Variants in SAAL1 observed in about 807,000 individuals in gnomAD.
The protein encoded by SAAL1 is serum amyloid A like 1.
A neutral mutation model predicts 59.8 loss-of-function variants in SAAL1; 42 were observed. That is an observed-to-expected ratio of 0.70 (90% CI 0.55 to 0.91). SAAL1 has a LOEUF of 0.91. Ranked by LOEUF, SAAL1 falls within the 40% of genes least tolerant of loss-of-function variation. SAAL1 has a pLI of 0.00. For synonymous variants in SAAL1, 191 were observed against 194.3 expected (o/e 0.98, Z 0.14); for missense variants, 542 against 561.1 (o/e 0.97, Z 0.34).
chr11:18,086,737 A>G, intron 9 of SAAL1, 129 bp downstream of exon 9: 1 of 476,322 alleles, frequency 2.1e-6, no homozygotes. Flanking sequence ...AAATAAATAA[A>G]TATGATAATA....
intron 3 of SAAL1, chr11:18,093,959 A>G (rs1183910187): frequency 6.6e-6 from 1 of 152,232 alleles, no homozygotes; most frequent in African/African-American, 2.4e-5. Flanking sequence ...TCCCGTTGAC[A>G]GGAAAACTAA....
chr11:18,086,763 G>C, intron 9 of SAAL1, 103 bp downstream of exon 9: 1 of 606,194 alleles, frequency 1.6e-6, no homozygotes, highest in Admixed American at 3.5e-5. Flanking sequence ...AATTTTTGAA[G>C]TTTAGCATGT....
intron 3 of SAAL1, chr11:18,094,079 T>C (rs1163904658): frequency 6.6e-6 from 1 of 152,140 alleles, no homozygotes; most frequent in Non-Finnish European, 1.5e-5. Context: ...GATTTCCAAA[T>C]CTCATCTCAG....
rs745643484 is a variant in SAAL1, at chr11:18,089,461, C to G, written c.639G>C (p.Leu213Phe). ...VGEVVDKLFD[L>F]DEKLMLEWVR... Reference sequence around the variant, plus strand: ...CCCATTCTAACATTAGTTTCTCATCCAAATCAAAGAGCTTGTCCACAACCT... The same window carrying G: ...CCCATTCTAACATTAGTTTCTCATCGAAATCAAAGAGCTTGTCCACAACCT... Residue 213 changes from leucine to phenylalanine, a missense_variant, in exon 7 of 12, where the codon TTG becomes TTC. Transcript: ENST00000524803. 7 of 1,612,614 alleles carry G rather than the reference C, an allele frequency of 4.3e-6. No individual in the cohort carries two copies. The highest frequency in any genetic ancestry group is 2.2e-5 in the East Asian group (1 of 44,778).
chr11:18,090,121 T>C, intron 6 of SAAL1, 54 bp downstream of exon 6: 35 of 1,463,602 alleles, frequency 2.4e-5, no homozygotes, highest in Non-Finnish European at 3.2e-5. Flanking sequence ...CATGGTTTCC[T>C]AAAAATTAGA....
chr11:18,105,983 A>G lies in SAAL1; in HGVS notation c.59T>C (p.Val20Ala). 1 of 1,573,018 alleles carries G rather than the reference A, an allele frequency of 6.4e-7. No homozygotes were observed. Among genetic ancestry groups the G allele is most frequent in the Non-Finnish European group, 8.7e-7 (1 of 1,150,000 alleles). The change falls in exon 1 of 12, where the codon GTG becomes GCG. Residue 20 changes from valine to alanine, a missense_variant. Physicochemically the swap from Val to Ala is moderately conservative, Grantham distance 64 (BLOSUM62 0). Coordinates refer to ENST00000524803, the MANE Select transcript of SAAL1 (RefSeq NM_138421.3). ...PGRDKEEEEE[V>A]AGGDCIGSTV... ...GCTCCCTATGCAGTCTCCACCGGCC[A>G]CCTCCTCCTCCTCCTCCTTGTCGCG...
intron 7 of SAAL1, among the ~76,000 whole-genome samples, chr11:18,087,512 C>T (rs572597130): frequency 1.1e-4 from 16 of 152,274 alleles, no homozygotes; most frequent in African/African-American, 3.8e-4. Context: ...AGAAACCTAC[C>T]AGTTGATACT....
chr11:18,083,495 C>T, intron 10 of SAAL1, 40 bp downstream of exon 10: 1 of 1,223,634 alleles, frequency 8.2e-7, no homozygotes, highest in South Asian at 1.7e-5. Context: ...GCAACCCACA[C>T]TTTCTTTTGC....
chr11:18,086,296 G>A (rs2134056136), intron 9 of SAAL1, among the ~76,000 whole-genome samples: 2 of 152,304 alleles, frequency 1.3e-5, no homozygotes, highest in African/African-American at 4.8e-5. Context: ...CAGCTACTCA[G>A]GAGGCTGAGG....
At chr11:18,085,886 A>G (rs1848459017) in intron 9 of SAAL1, among the ~76,000 whole-genome samples, 1 of 152,060 alleles carries the variant, frequency 6.6e-6, no homozygotes, top group Non-Finnish European at 1.5e-5. Flanking sequence ...TCAAAGGGGG[A>G]AAAAAAATTA....
intron 5 of SAAL1, 66 bp from the exon 6 acceptor site, chr11:18,090,356 C>CGGGT: frequency 6.4e-7 from 1 of 1,556,064 alleles, no homozygotes; most frequent in Non-Finnish European, 8.6e-7. Context: ...AAAGGAAATT[C>CGGGT]GAAAATAAAA....
At position 18,095,516 on chromosome 11, in the gene SAAL1, G is replaced by C. The variant is rs540567596; in HGVS notation, c.333+1255C>G. 6.6e-5 allele frequency among the ~76,000 whole-genome samples: 10 copies of C among 152,296 alleles called. No homozygotes were observed. The East Asian group carries it at 1.2e-3, about 18-fold the overall frequency. ...GAAAGAGAGGAAATACAGTACAGTG[G>C]TTATACTGAAGTCAGGCCTAGGCTG... On this transcript the variant is annotated intron_variant, in intron 3 of 11. Transcript: ENST00000524803.
chr11:18,103,722 G>C (rs1251513629), intron 1 of SAAL1, among the ~76,000 whole-genome samples: 2 of 152,188 alleles, frequency 1.3e-5, no homozygotes, highest in East Asian at 1.9e-4. Context: ...CCCTGAACCA[G>C]AGCAAGTGGG....
intron 6 of SAAL1, among the ~76,000 whole-genome samples, chr11:18,089,781 G>C (rs1175017480): frequency 6.6e-6 from 1 of 152,134 alleles, no homozygotes; most frequent in Non-Finnish European, 1.5e-5. Context: ...GGACATGGTG[G>C]CTTACACCTA....
intron 9 of SAAL1, among the ~76,000 whole-genome samples, chr11:18,086,662 C>A (rs1051958656): frequency 6.6e-6 from 1 of 152,096 alleles, no homozygotes; most frequent in African/African-American, 2.4e-5. Context: ...GATTGTACCA[C>A]TGCACTCCAG....
At chr11:18,105,458 C>G (rs1259517742) in intron 1 of SAAL1, among the ~76,000 whole-genome samples, 1 of 151,836 alleles carries the variant, frequency 6.6e-6, no homozygotes, top group Non-Finnish European at 1.5e-5. Flanking sequence ...CAGAGGTGAG[C>G]CACCGCGCCT....
In SAAL1 at chr11:18,106,029, G is replaced by C. The variant is rs753560727; in HGVS notation, c.13C>G (p.Pro5Ala). The C allele has an allele frequency of 1.9e-6, 3 of 1,587,724 alleles. No homozygotes were observed. Among genetic ancestry groups the C allele is most frequent in the Non-Finnish European group, 2.6e-6 (3 of 1,167,966 alleles). Residue 5 changes from proline to alanine, a missense_variant, in exon 1 of 12, where the codon CCC becomes GCC. Transcript: ENST00000524803. MDRN[P>A]SPPPPGRDKE... is the part of the protein sequence containing the mutation. ...TCGCGACCCGGCGGCGGCGGCGAGG[G>C]GTTGCGGTCCATGACTTTGTCGCGT...
In SAAL1 at chr11:18,092,282, C is replaced by G; in HGVS notation, c.376G>C (p.Glu126Gln). 1 of 1,607,976 alleles carries G rather than the reference C, an allele frequency of 6.2e-7. No individual in the cohort carries two copies. The highest frequency in any genetic ancestry group is 1.1e-5 in the South Asian group (1 of 90,902). The part of the protein sequence containing the change: ...GILGNMACFQ[E>Q]ICVSISSDKN... Reference sequence around the variant, plus strand: ...TCACTGCTGATGGACACACATATCTCCTGGAAACAGGCCATATTACCTAAA... The same window carrying G: ...TCACTGCTGATGGACACACATATCTGCTGGAAACAGGCCATATTACCTAAA... The change falls in exon 4 of 12, where the codon GAG becomes CAG. Residue 126 changes from glutamate to glutamine, a missense_variant. Glu to Gln is a conservative substitution (Grantham distance 29). Transcript: ENST00000524803.
chr11:18,099,270 C>T (rs1848607694), intron 2 of SAAL1, among the ~76,000 whole-genome samples: 1 of 152,152 alleles, frequency 6.6e-6, no homozygotes, highest in African/African-American at 2.4e-5. Context: ...GGCAAGTACC[C>T]AGCGAGACTA....
Sources: gnomAD v4.1 joint callset for allele counts (sites outside exome capture counted in the v4.1 genomes callset) on GRCh38, gnomAD v4.1.1 for gene constraint, MANE v1.5 for transcripts, NCBI Gene and HGNC (gene_info 2026-07-23, HGNC 2026-07-21) for gene names.